Variants in PALM2AKAP2 observed in about 807,000 individuals in gnomAD.
PALM2AKAP2 encodes the protein PALM2-AKAP2 fusion protein.
Under a neutral mutation model 71.5 loss-of-function variants are expected in PALM2AKAP2, and 37 were observed. The ratio of observed to expected loss-of-function variants is 0.52; its 90% CI spans 0.40 to 0.68. PALM2AKAP2 has a LOEUF of 0.68. Among genes scored for constraint, PALM2AKAP2 ranks in the 30% least tolerant of loss-of-function variants. The probability of loss-of-function intolerance (pLI) is 0.00; values close to 1 mark genes in which losing one functional copy is unlikely to be tolerated. For synonymous variants in PALM2AKAP2, 468 were observed against 478.8 expected (o/e 0.98, Z 0.29); for missense variants, 1,224 against 1,191.8 (o/e 1.03, Z -0.40).
chr9:109,667,323 G>A (rs564800648), intron 1 of PALM2AKAP2, among the ~76,000 whole-genome samples: 8 of 152,186 alleles, frequency 5.3e-5, no homozygotes, highest in South Asian at 4.1e-4. Context: ...TGACCTGAAC[G>A]AGTACCTAGC....
At chr9:109,769,908 G>A (rs1024088558) in intron 1 of PALM2AKAP2, among the ~76,000 whole-genome samples, 10 of 152,066 alleles carry the variant, frequency 6.6e-5, no homozygotes, top group African/African-American at 1.5e-4. Flanking sequence ...GTACCTTCTC[G>A]GGGAGATCGG....
At chr9:109,936,619 C>T (rs547393591) in intron 6 of PALM2AKAP2, among the ~76,000 whole-genome samples, 1 of 152,164 alleles carries the variant, frequency 6.6e-6, no homozygotes, top group South Asian at 2.1e-4. Context: ...ATGACCCTGA[C>T]CCCCCATGGA....
chr9:109,661,764 C>T (rs1832789269), intron 1 of PALM2AKAP2, among the ~76,000 whole-genome samples: 1 of 152,052 alleles, frequency 6.6e-6, no homozygotes, highest in African/African-American at 2.4e-5. Context: ...GGCAGCAAGG[C>T]GATTTTCAAG....
At chr9:110,156,612 C>G (rs1260647308) in intron 3 of PALM2AKAP2, 115 bp downstream of exon 9, 3 of 1,321,336 alleles carry the variant, frequency 2.3e-6, no homozygotes, top group African/African-American at 3.0e-5. Flanking sequence ...CATTAGGGTT[C>G]CAGTATCAGT....
In PALM2AKAP2 at chr9:109,887,364, G is replaced by T. The variant is rs374741429; in HGVS notation, c.257+6683G>T. On this transcript the variant is annotated intron_variant, in intron 3 of 9. Transcript: ENST00000302798. ...GCAGGGAGGGGAACACTCCACAGTG[G>T]CATTCCACATCTGTGCACTTCCAGC... Among the ~76,000 whole-genome samples the T allele has an allele frequency of 8.5e-5, 13 of 152,278 alleles. No homozygotes were observed. In the East Asian group the frequency reaches 2.1e-3, roughly 25 times the overall value.
At chr9:110,142,429 T>G (rs1025661639) in intron 2 of PALM2AKAP2, among the ~76,000 whole-genome samples, 22 of 152,152 alleles carry the variant, frequency 1.4e-4, no homozygotes, top group Non-Finnish European at 1.5e-5. Context: ...TCCACTTAAA[T>G]AGAATTTGAG....
chr9:109,990,071 T>C (rs932633010), intron 6 of PALM2AKAP2, among the ~76,000 whole-genome samples: 2 of 149,866 alleles, frequency 1.3e-5, no homozygotes, highest in East Asian at 1.9e-4. Context: ...TTCTTTCTTT[T>C]TTTTTTTTTT....
intron 6 of PALM2AKAP2, among the ~76,000 whole-genome samples, chr9:109,978,225 C>G (rs559567752): frequency 1.3e-5 from 2 of 152,218 alleles, no homozygotes; most frequent in East Asian, 3.9e-4. Context: ...AACTCACAGT[C>G]TAGAAAGGCC....
rs542231753 is a variant in PALM2AKAP2, at chr9:109,921,154, C to T, written c.258-2581C>T. Among the ~76,000 whole-genome samples the T allele has an allele frequency of 3.3e-5, 5 of 152,356 alleles. No individual in the cohort carries two copies. The East Asian group carries it at 9.6e-4, about 29-fold the overall frequency. ...AAGTTAAAGCTTGCTGAAGAATTCA[C>T]TCTTGTCTCCAAAATTCTGAAAGTC... On this transcript the variant is annotated intron_variant, in intron 3 of 9. Coordinates refer to the PALM2AKAP2 transcript ENST00000302798.
In PALM2AKAP2 at chr9:109,689,758, G is replaced by A. The variant is rs140775500; in HGVS notation, c.5+48892G>A. Among the ~76,000 whole-genome samples the A allele has an allele frequency of 4.9e-3, 739 of 152,282 alleles. 2 individuals carry two copies. Among genetic ancestry groups the A allele is most frequent in the Non-Finnish European group, 6.0e-3 (405 of 68,024 alleles). ...GGAGGACCTACCTTTCCAGTCTCAGGCCACATTGGACCCTGCTGTGGGGAC... is the reference window on the plus strand; with the variant it reads ...GGAGGACCTACCTTTCCAGTCTCAGACCACATTGGACCCTGCTGTGGGGAC... On this transcript the variant is annotated intron_variant, in intron 1 of 6. Transcript: ENST00000374531.
chr9:109,981,411 C>A (rs10816909), intron 6 of PALM2AKAP2, among the ~76,000 whole-genome samples: 179 of 152,096 alleles, frequency 1.2e-3, no homozygotes, highest in Non-Finnish European at 2.3e-3. Context: ...AGAGAAGTAG[C>A]GGAATGAAAG....
At chr9:109,780,484 C>G in exon 1 of PALM2AKAP2, 2 of 1,613,490 alleles carry the variant, frequency 1.2e-6, no homozygotes, top group Non-Finnish European at 1.7e-6. Context: ...GTGCCCTTCT[C>G]CAGGATGGCA....
At chr9:110,029,475 A>G (rs948909869) in intron 7 of PALM2AKAP2, among the ~76,000 whole-genome samples, 1 of 152,186 alleles carries the variant, frequency 6.6e-6, no homozygotes, top group African/African-American at 2.4e-5. Flanking sequence ...CACATTCACA[A>G]ATGCTTCCTG....
intron 1 of PALM2AKAP2, among the ~76,000 whole-genome samples, chr9:110,102,599 T>TCCTCCCCTCC (rs1239568872): frequency 6.6e-6 from 1 of 151,734 alleles, no homozygotes; most frequent in Non-Finnish European, 1.5e-5. Context: ...TCCTCTCCAC[T>TCCTCCCCTCC]CCTCCCCTCC....
At chr9:109,757,729 C>T (rs1212227401) in intron 1 of PALM2AKAP2, among the ~76,000 whole-genome samples, 12 of 151,962 alleles carry the variant, frequency 7.9e-5, no homozygotes, top group Non-Finnish European at 2.9e-5. Context: ...AGATCAACTT[C>T]ATCATTTACA....
intron 3 of PALM2AKAP2, among the ~76,000 whole-genome samples, chr9:110,161,506 C>G (rs930731435): frequency 1.3e-5 from 2 of 152,186 alleles, no homozygotes; most frequent in African/African-American, 4.8e-5. Flanking sequence ...CCAGAAATTG[C>G]TATCAAAGGA....
intron 1 of PALM2AKAP2, among the ~76,000 whole-genome samples, chr9:109,766,888 C>G (rs1250080016): frequency 1.3e-5 from 2 of 152,096 alleles, no homozygotes; most frequent in Non-Finnish European, 2.9e-5. Flanking sequence ...AAATATGGAG[C>G]TGACGTTGGA....
At chr9:109,956,611 G>A (rs1831751664) in intron 6 of PALM2AKAP2, among the ~76,000 whole-genome samples, 1 of 152,198 alleles carries the variant, frequency 6.6e-6, no homozygotes, top group Non-Finnish European at 1.5e-5. Flanking sequence ...CAGAGACTCA[G>A]TGTGAGGTGC....
At chr9:109,960,195 C>T (rs1831827319) in intron 6 of PALM2AKAP2, among the ~76,000 whole-genome samples, 1 of 152,136 alleles carries the variant, frequency 6.6e-6, no homozygotes, top group African/African-American at 2.4e-5. Flanking sequence ...TCATGTCCCT[C>T]TTCCCCTGGA....
Sources: allele counts gnomAD v4.1 joint callset (sites outside exome capture counted in the v4.1 genomes callset), GRCh38; gene constraint gnomAD v4.1.1; transcripts MANE v1.5; gene names NCBI Gene and HGNC (gene_info 2026-07-23, HGNC 2026-07-21).